DIAPH1: variants seen among roughly 807,000 people sequenced by gnomAD.
DIAPH1 encodes the protein diaphanous related formin 1.
Under a neutral mutation model 140.7 loss-of-function variants are expected in DIAPH1, and 46 were observed. The ratio of observed to expected loss-of-function variants is 0.33; its 90% confidence interval spans 0.26 to 0.42. DIAPH1 has a LOEUF of 0.42. Among genes scored for constraint, DIAPH1 ranks in the 10% least tolerant of loss-of-function variants. The probability of loss-of-function intolerance (pLI) is 1.00; values close to 1 mark genes in which losing one functional copy is unlikely to be tolerated. For missense variants in DIAPH1, 1,310 were observed against 1,558.7 expected, an observed-to-expected ratio of 0.84 and a Z score of 2.69; for synonymous variants, 565 against 551.6, an observed-to-expected ratio of 1.02 and a Z score of -0.34.
intron 1 of DIAPH1, among the ~76,000 whole-genome samples, chr5:141,598,601 T>C (rs1157841025): frequency 6.6e-6 from 1 of 152,198 alleles, no homozygotes; most frequent in Non-Finnish European, 1.5e-5. Flanking sequence ...CTGATTCAGT[T>C]ACCACATCCT....
chr5:141,576,819 T>C lies in DIAPH1; in HGVS notation c.1333A>G (p.Lys445Glu), dbSNP rs1472189974. 3 of 1,614,070 alleles carry C rather than the reference T, an allele frequency of 1.9e-6. No homozygotes were observed. Among genetic ancestry groups the C allele is most frequent in the South Asian group, 2.2e-5 (2 of 91,084 alleles). ...EECISQIVLH[K>E]NGADPDFKCR... is the part of the protein sequence containing the mutation. ...TTGAAGTCAGGATCAGCCCCGTTCTTGTGCAGAACTATCTGGGAAATACAT... is the reference window on the plus strand; with the variant it reads ...TTGAAGTCAGGATCAGCCCCGTTCTCGTGCAGAACTATCTGGGAAATACAT... Residue 445 changes from lysine to glutamate, a missense_variant, in exon 13 of 28, where the codon AAG becomes GAG. By Grantham distance (56) the Lys-to-Glu change is moderately conservative. Around this residue, in one of 3 missense-constraint regions of DIAPH1, gnomAD observed 589 missense variants for 549.3 expected, o/e 1.07. Transcript: ENST00000389054.
intron 18 of DIAPH1, among the ~76,000 whole-genome samples, chr5:141,558,037 C>G (rs1174181847): frequency 6.6e-6 from 1 of 152,070 alleles, no homozygotes; most frequent in Non-Finnish European, 1.5e-5. Flanking sequence ...AAAGGGCACC[C>G]CCTGGCGGCC....
chr5:141,539,895 A>ATT (rs372049521), intron 18 of DIAPH1, among the ~76,000 whole-genome samples: 4 of 142,484 alleles, frequency 2.8e-5, no homozygotes, highest in South Asian at 2.2e-4. Flanking sequence ...GATTGTCTCT[A>ATT]TTTTTTTTTT....
At chr5:141,579,598 G>A (rs980691121) in intron 8 of DIAPH1, among the ~76,000 whole-genome samples, 19 of 152,162 alleles carry the variant, frequency 1.2e-4, no homozygotes, top group African/African-American at 4.6e-4. Context: ...GATGTTCACT[G>A]CAGTATCATT....
intron 18 of DIAPH1, among the ~76,000 whole-genome samples, chr5:141,537,258 C>T (rs574097309): frequency 5.3e-5 from 8 of 151,694 alleles, no homozygotes; most frequent in South Asian, 2.1e-4. Context: ...CTGAGGCGGG[C>T]GGATCACCTG....
Position 141,579,096 on chromosome 5 carries a change from C to T in DIAPH1, c.925G>A (p.Ala309Thr), listed in dbSNP as rs1430953433. 1.2e-6 allele frequency: 2 copies of T among 1,612,888 alleles called. No homozygotes were observed. The highest frequency in any genetic ancestry group is 1.7e-6 in the Non-Finnish European group (2 of 1,178,820). The stretch of plus-strand genomic sequence containing the variant: ...TCAGGGGATATACATGCCTTCAGTG[C>T]AATAGTGGTTCCACTTTTTAATCCA... ...LDGLKSGTTI[A>T]LKVGCLQLIN... The change falls in exon 9 of 28, where the codon GCA becomes ACA. Residue 309 changes from alanine (A) to threonine (T), a missense_variant. By Grantham distance (58) the Ala-to-Thr change is moderately conservative (BLOSUM62 0). Coordinates refer to ENST00000389054, the MANE Select transcript of DIAPH1 (RefSeq NM_005219.5).
At position 141,579,167 on chromosome 5, in the gene DIAPH1, T is replaced by C. The variant is rs1596384556; in HGVS notation, c.854A>G (p.Glu285Gly). 1.2e-6 allele frequency: 2 copies of C among 1,614,172 alleles called. No individual in the cohort carries two copies. Among genetic ancestry groups the C allele is most frequent in the East Asian group, 2.2e-5 (1 of 44,878 alleles). The change falls in exon 9 of 28, where the codon GAA (glutamate) becomes GGA (glycine). Residue 285 changes from glutamate to glycine, a missense_variant. Transcript: ENST00000389054. ...MNERVLEAMT[E>G]RAEMDEVERF... The stretch of plus-strand genomic sequence containing the variant: ...TTCCACTTCATCCATCTCAGCTCTT[T>C]CTGTCATTGCCTCCAAAACCCTTTC...
At chr5:141,526,540 T>G in intron 24 of DIAPH1, 79 bp from the exon 25 acceptor site, 1 of 1,562,346 alleles carries the variant, frequency 6.4e-7, no homozygotes. Context: ...TACTCAAAGA[T>G]GAGTACTGGC....
chr5:141,527,029 G>A (rs190446838), intron 24 of DIAPH1, among the ~76,000 whole-genome samples: 28 of 152,306 alleles, frequency 1.8e-4, no homozygotes, highest in African/African-American at 6.7e-4. Context: ...AAATGTATGA[G>A]GTGCAAATCA....
intron 18 of DIAPH1, among the ~76,000 whole-genome samples, chr5:141,555,018 G>C (rs747959152): frequency 4.6e-5 from 7 of 152,116 alleles, no homozygotes; most frequent in Non-Finnish European, 7.4e-5. Flanking sequence ...CTTGGTCTCA[G>C]ACCCTGATTA....
chr5:141,536,056 T>C, intron 18 of DIAPH1: 1 of 466,544 alleles, frequency 2.1e-6, no homozygotes, highest in East Asian at 7.1e-5. Context: ...TCCCAGCACT[T>C]TGGAAGGCTG....
intron 1 of DIAPH1, among the ~76,000 whole-genome samples, chr5:141,615,623 G>T (rs1429991305): frequency 2.0e-5 from 3 of 150,846 alleles, no homozygotes; most frequent in Admixed American, 2.0e-4. Flanking sequence ...GGTGCCTGTA[G>T]TCCCAGCTAC....
intron 18 of DIAPH1, chr5:141,563,394 C>T (rs1203627795): frequency 2.0e-5 from 3 of 151,970 alleles, no homozygotes; most frequent in Non-Finnish European, 2.9e-5. Flanking sequence ...ATACAGATAC[C>T]AAAATATTAT....
At chr5:141,568,303 AAAG>A (rs1447884993) in intron 18 of DIAPH1, among the ~76,000 whole-genome samples, 1 of 152,160 alleles carries the variant, frequency 6.6e-6, no homozygotes, top group African/African-American at 2.4e-5. Flanking sequence ...AAAAAAAAAA[AAAG>A]AAATTTAACT....
chr5:141,593,464 C>A (rs2099898803), intron 1 of DIAPH1, among the ~76,000 whole-genome samples: 1 of 152,164 alleles, frequency 6.6e-6, no homozygotes, highest in Non-Finnish European at 1.5e-5. Context: ...AGAGCCCCAG[C>A]AGCCTGGCCT....
chr5:141,571,366 C>G, intron 18 of DIAPH1, 62 bp downstream of exon 18: 1 of 1,338,142 alleles, frequency 7.5e-7, no homozygotes, highest in South Asian at 1.3e-5. Flanking sequence ...TCCTTTATAT[C>G]TATTTCATCT....
At position 141,571,974 on chromosome 5, in the gene DIAPH1, T is replaced by C; in HGVS notation, c.2425A>G (p.Asn809Asp). ...TKVKEDRFEN[N>D]ELFAKLTLTF... ...AGGGTAAGTTTGGCGAAAAGTTCAT[T>C]GTTCTCAAAGCGGTCCTCCTTCACC... Residue 809 changes from asparagine to aspartate, a missense_variant, in exon 17 of 28, where the codon AAT becomes GAT. Asn to Asp is a conservative substitution (Grantham distance 23). Transcript: ENST00000389054. 6 of 1,614,180 alleles carry C rather than the reference T, an allele frequency of 3.7e-6. No homozygotes were observed. Among genetic ancestry groups the C allele is most frequent in the Non-Finnish European group, 5.1e-6 (6 of 1,180,028 alleles).
intron 18 of DIAPH1, chr5:141,563,522 C>T (rs1218898825): frequency 6.6e-6 from 1 of 152,054 alleles, no homozygotes; most frequent in Non-Finnish European, 1.5e-5. Context: ...CTGGTATCAA[C>T]AGACATTTAA....
chr5:141,607,374 A>T (rs1481335552), intron 1 of DIAPH1, among the ~76,000 whole-genome samples: 2 of 152,254 alleles, frequency 1.3e-5, no homozygotes, highest in Non-Finnish European at 2.9e-5. Flanking sequence ...AAGTCTAAAA[A>T]GATCGATGTA....
Sources: gnomAD v4.1 joint callset for allele counts (sites outside exome capture counted in the v4.1 genomes callset) on GRCh38, gnomAD v4.1.1 for gene constraint, gnomAD v4.1.1 regional missense constraint, MANE v1.5 for transcripts, NCBI Gene and HGNC (gene_info 2026-07-23, HGNC 2026-07-21) for gene names.